Variants in SERPINA10 observed in about 807,000 individuals in gnomAD.
The protein encoded by SERPINA10 is serpin family A member 10.
In SERPINA10, 24 loss-of-function variants were observed where a neutral mutation model predicts 28.0. The ratio of observed to expected loss-of-function variants is 0.86; its 90% CI spans 0.62 to 1.20. The LOEUF (loss-of-function observed/expected upper bound fraction) is 1.20, where lower values mean the gene tolerates loss of function less well. Ranked by LOEUF, SERPINA10 falls within the 50% of genes most tolerant of loss-of-function variation. The pLI is 0.00. For synonymous variants in SERPINA10, 207 were observed against 203.9 expected (o/e 1.02, Z -0.13); for missense variants, 521 against 537.7 (o/e 0.97, Z 0.31).
At position 94,289,932 on chromosome 14, in the gene SERPINA10, A is replaced by G. The variant is rs1895118129; in HGVS notation, c.662T>C (p.Phe221Ser). The G allele has an allele frequency of 1.2e-6, 2 of 1,614,160 alleles. No individual in the cohort carries two copies. The highest frequency in any genetic ancestry group is 2.2e-5 in the East Asian group (1 of 44,888). Residue 221 changes from phenylalanine to serine, a missense_variant, in exon 2 of 5, where the codon TTT (phenylalanine) becomes TCT (serine). Transcript: ENST00000261994. ...KETRGKIPKL[F>S]DEINPETKLI... ...TTTGGTTTCAGGATTAATCTCATCA[A>G]ACAGTTTGGGAATTTTCCCCCGAGT...
intron 3 of SERPINA10, among the ~76,000 whole-genome samples, chr14:94,287,001 G>C (rs989023587): frequency 4.6e-5 from 7 of 152,172 alleles, no homozygotes; most frequent in Non-Finnish European, 8.8e-5. Context: ...GGATTCAGAA[G>C]CCATAGCCAT....
At position 94,289,990 on chromosome 14, in the gene SERPINA10, T is replaced by A. The variant is rs780950041; in HGVS notation, c.604A>T (p.Lys202Ter). Residue 202 changes from lysine to a stop codon, truncating the protein, a stop_gained, in exon 2 of 5, where the codon AAA becomes TAA. Coordinates refer to ENST00000261994, the MANE Select transcript of SERPINA10 (RefSeq NM_001100607.3). LOFTEE classifies it high-confidence loss of function. ...TTAATGTAATGATTCATGAGCCTTT[T>A]GGCCTGTGAGGCATTGCGAAAATTC... ...PMNFRNASQAKRLMNHYINKE... is the reference protein window; with the variant it reads ...PMNFRNASQA 1 of 1,614,272 alleles carries A rather than the reference T, an allele frequency of 6.2e-7. No individual in the cohort carries two copies. The highest frequency in any genetic ancestry group is 8.5e-7 in the Non-Finnish European group (1 of 1,180,044).
In SERPINA10 at chr14:94,283,932, A is replaced by G. The variant is rs780802859; in HGVS notation, c.*33T>C. 1 of 1,601,510 alleles carries G rather than the reference A, an allele frequency of 6.2e-7. No homozygotes were observed. Among genetic ancestry groups the G allele is most frequent in the East Asian group, 2.2e-5 (1 of 44,770 alleles). On this transcript the variant is annotated 3_prime_UTR_variant, in exon 5 of 5. Coordinates refer to ENST00000261994, the MANE Select transcript of SERPINA10 (RefSeq NM_001100607.3). ...GTTTGATACCTCAGATTCAGCATCT[A>G]CTACAGCACGAAGTGCTTATGCGTG...
chr14:94,289,087 A>AT (rs1453597850), intron 2 of SERPINA10, among the ~76,000 whole-genome samples: 1 of 152,192 alleles, frequency 6.6e-6, no homozygotes, highest in Non-Finnish European at 1.5e-5. Flanking sequence ...AGGCAGGTAC[A>AT]TTACTCTCTA....
intron 4 of SERPINA10, among the ~76,000 whole-genome samples, chr14:94,285,801 A>C (rs12434351): frequency 0.11 from 17,348 of 151,972 alleles, 1,173 homozygotes; most frequent in African/African-American, 0.18. Context: ...TGAACTATTC[A>C]AGTTGTATTC....
At chr14:94,290,790 C>T (rs1895156331) in intron 1 of SERPINA10, 147 bp from the exon 2 acceptor site, 2 of 824,294 alleles carry the variant, frequency 2.4e-6, no homozygotes, top group Non-Finnish European at 3.8e-6. Context: ...GTGTGGGTGA[C>T]ATTTGCTCAC....
rs1894961531 is a variant in SERPINA10 at position 94,284,070 on chromosome 14, C to T, written c.1230G>A (p.Met410Ile). 4 of 1,614,162 alleles carry T rather than the reference C, an allele frequency of 2.5e-6. No individual in the cohort carries two copies. The highest frequency in any genetic ancestry group is 3.4e-6 in the Non-Finnish European group (4 of 1,179,996). ...GCCGGTCCACTTTGATGACAGGAGGCATGGAATAAGCAGTAATTTCTGACA... is the reference window on the plus strand; with the variant it reads ...GCCGGTCCACTTTGATGACAGGAGGTATGGAATAAGCAGTAATTTCTGACA... ...GILSEITAYS[M>I]PPVIKVDRPF... The change falls in exon 5 of 5, where the codon ATG becomes ATA. Residue 410 changes from methionine (M) to isoleucine (I), a missense_variant. Met to Ile is a conservative substitution (Grantham distance 10). Coordinates refer to ENST00000261994, the MANE Select transcript of SERPINA10 (RefSeq NM_001100607.3).
chr14:94,290,904 G>A (rs550048148), intron 1 of SERPINA10, among the ~76,000 whole-genome samples: 4 of 152,058 alleles, frequency 2.6e-5, no homozygotes, highest in Admixed American at 6.5e-5. Flanking sequence ...CATTCATCCC[G>A]TCTCCTCCCT....
chr14:94,290,397 G>A lies in SERPINA10; in HGVS notation c.197C>T (p.Ala66Val), dbSNP rs1336888197. The A allele has an allele frequency of 1.9e-6, 3 of 1,614,152 alleles. No individual in the cohort carries two copies. Among genetic ancestry groups the A allele is most frequent in the East Asian group, 4.5e-5 (2 of 44,868 alleles). ...CTGCTGCCTGCTGGCCATCAGCCAG[G>A]CTTTCTCTTCCTCACTGGCCTTCTC... ...SEEKASEEEKAWLMASRQQLA... is the reference protein window; with the variant it reads ...SEEKASEEEKVWLMASRQQLA... Residue 66 changes from alanine to valine, a missense_variant, in exon 2 of 5, where the codon GCC (alanine) becomes GTC (valine). By Grantham distance (64) the Ala-to-Val change is moderately conservative (BLOSUM62 0). Coordinates refer to ENST00000261994, the MANE Select transcript of SERPINA10 (RefSeq NM_001100607.3).
At chr14:94,292,074 G>A (rs1376271033) in intron 1 of SERPINA10, among the ~76,000 whole-genome samples, 1 of 152,236 alleles carries the variant, frequency 6.6e-6, no homozygotes, top group Non-Finnish European at 1.5e-5. Context: ...CTCTTTCAGT[G>A]TAAACGCAGC....
At chr14:94,289,558 A>G (rs1895108116) in intron 2 of SERPINA10, among the ~76,000 whole-genome samples, 2 of 152,208 alleles carry the variant, frequency 1.3e-5, no homozygotes, top group Non-Finnish European at 2.9e-5. Context: ...TGAAGGAGCA[A>G]TGATGCAATC....
In SERPINA10 at chr14:94,282,030, TG is replaced by T. The variant is rs1313037817; in HGVS notation, c.*1934del. ...TCAGATAGAGTTAGTCCTCTGTCTT[TG>T]GCCCTCTAGGGCCTAGAATTGCCTG... On this transcript the variant is annotated 3_prime_UTR_variant, in exon 5 of 5. Coordinates refer to ENST00000261994, the MANE Select transcript of SERPINA10 (RefSeq NM_001100607.3). The T allele has an allele frequency of 2.0e-5, 3 of 152,600 alleles. No individual in the cohort carries two copies. Among genetic ancestry groups the T allele is most frequent in the African/African-American group, 7.2e-5 (3 of 41,462 alleles). 9.5% of individuals were successfully genotyped at this position (152,600 alleles called of 1,614,324 possible). A position where few individuals can be genotyped will look rare whatever the true frequency, so the allele number is the denominator to read the frequency against.
chr14:94,292,701 A>G (rs1895209146), intron 1 of SERPINA10: 1 of 701,684 alleles, frequency 1.4e-6, no homozygotes, highest in Non-Finnish European at 2.6e-6. Context: ...GTCTTTGTAA[A>G]GTCTTTGCTC....
rs945853718 is a variant in SERPINA10, at chr14:94,281,518, T to G, written c.*2447A>C. 1 of 152,206 alleles carries G rather than the reference T, an allele frequency of 6.6e-6. No individual in the cohort carries two copies. Among genetic ancestry groups the G allele is most frequent in the Non-Finnish European group, 1.5e-5 (1 of 68,038 alleles). The allele number at this position is 152,206 out of a possible 1,614,324, so 9.4% of individuals were successfully genotyped here. A position where few individuals can be genotyped will look rare whatever the true frequency, so the allele number is the denominator to read the frequency against. On this transcript the variant is annotated 3_prime_UTR_variant, in exon 5 of 5. Transcript: ENST00000261994. ...AATGTTAAGATTTCCCCCGCTCGGT[T>G]GGAAACCCTGAATTTGTGTGTATGT...
At position 94,290,188 on chromosome 14, in the gene SERPINA10, T is replaced by C. The variant is rs570701118; in HGVS notation, c.406A>G (p.Thr136Ala). ...AGGGAAGGCAGGAGCCCGGGCTTGG[T>C]GGGCTTCAGGGCCTGCAAGTGGAGC... ...RGLHLQALKP[T>A]KPGLLPSLFK... Residue 136 changes from threonine to alanine, a missense_variant, in exon 2 of 5, where the codon ACC becomes GCC. Transcript: ENST00000261994. The C allele has an allele frequency of 3.7e-6, 6 of 1,613,808 alleles. No homozygotes were observed. In the South Asian group the frequency reaches 6.6e-5, roughly 18 times the overall value.
rs774271926 is a variant in SERPINA10 at position 94,290,465 on chromosome 14, C to G, written c.129G>C (p.Gln43His). 1 of 1,613,634 alleles carries G rather than the reference C, an allele frequency of 6.2e-7. No individual in the cohort carries two copies. The change falls in exon 2 of 5, where the codon CAG becomes CAC. Residue 43 changes from glutamine (Q) to histidine (H), a missense_variant. Transcript: ENST00000261994. ...APQNQTSRVV[Q>H]APKEEEEDEQ... The stretch of plus-strand genomic sequence containing the variant: ...CATCTTCCTCTTCCTCCTTGGGAGC[C>G]TGCACTACCCTGCTGGTCTGGTTCT...
intron 4 of SERPINA10, among the ~76,000 whole-genome samples, chr14:94,284,759 C>G (rs1894980285): frequency 6.6e-6 from 1 of 152,124 alleles, no homozygotes; most frequent in Non-Finnish European, 1.5e-5. Context: ...AGTGATGTAC[C>G]TATATAATTA....
intron 2 of SERPINA10, among the ~76,000 whole-genome samples, chr14:94,289,185 G>A (rs1396952008): frequency 2.0e-5 from 3 of 152,198 alleles, no homozygotes; most frequent in African/African-American, 4.8e-5. Flanking sequence ...CCAGCTCTGC[G>A]AAAGTGGCAT....
chr14:94,285,623 G>A (rs1436408770), intron 4 of SERPINA10, among the ~76,000 whole-genome samples: 1 of 151,756 alleles, frequency 6.6e-6, no homozygotes, highest in African/African-American at 2.4e-5. Flanking sequence ...TTTGTGGATT[G>A]GGCAGCTCTT....
Sources: gnomAD v4.1 joint callset for allele counts (sites outside exome capture counted in the v4.1 genomes callset) on GRCh38, gnomAD v4.1.1 for gene constraint, MANE v1.5 for transcripts, NCBI Gene and HGNC (gene_info 2026-07-23, HGNC 2026-07-21) for gene names.